Variants in CNNM2 observed in about 807,000 individuals in gnomAD.
The protein encoded by CNNM2 is cyclin and CBS domain divalent metal cation transport mediator 2.
A neutral mutation model predicts 66.9 loss-of-function variants in CNNM2; 12 were observed. That is an observed-to-expected ratio of 0.18 (90% CI 0.11 to 0.29). The LOEUF is 0.29. CNNM2 is among the 10% of genes least tolerant of loss of function. The pLI is 1.00. For synonymous variants in CNNM2, 557 were observed against 501.8 expected, an observed-to-expected ratio of 1.11 and a Z score of -1.47; for missense variants, 705 against 1,167.7, an observed-to-expected ratio of 0.60 and a Z score of 5.77.
rs151193266 is a variant in CNNM2 at position 103,049,693 on chromosome 10, T to G, written c.1622-14T>G. ...TCAGAAAGTCACTTCCTAAACTTTT[T>G]CTTGTCTCTAAAGGTAAATCTCACC... is the stretch of plus-strand genomic sequence containing the variant. On this transcript the variant is annotated splice_polypyrimidine_tract_variant and intron_variant, in intron 1 of 7. Coordinates refer to ENST00000369878, the MANE Select transcript of CNNM2 (RefSeq NM_017649.5). The G allele has an allele frequency of 1.2e-6, 2 of 1,604,132 alleles. No homozygotes were observed. Among genetic ancestry groups the G allele is most frequent in the African/African-American group, 2.7e-5 (2 of 74,624 alleles).
chr10:102,974,506 A>C (rs1315855069), intron 1 of CNNM2, among the ~76,000 whole-genome samples: 1 of 152,176 alleles, frequency 6.6e-6, no homozygotes, highest in Non-Finnish European at 1.5e-5. Flanking sequence ...GCAACAACAA[A>C]AATAAAATCT....
chr10:102,933,691 A>G (rs1846134722), intron 1 of CNNM2, among the ~76,000 whole-genome samples: 2 of 152,346 alleles, frequency 1.3e-5, no homozygotes, highest in South Asian at 4.1e-4. Context: ...CATTTAGGAA[A>G]TTTGATAGGA....
chr10:102,920,167 C>A, intron 1 of CNNM2, 66 bp downstream of exon 1: 1 of 1,613,062 alleles, frequency 6.2e-7, no homozygotes, highest in Admixed American at 1.7e-5. Context: ...CTACTTGAGT[C>A]CTCTACCCTC....
Position 103,054,227 on chromosome 10 carries a change from C to A in CNNM2, c.1766-102C>A. 3 of 1,328,778 alleles carry A rather than the reference C, an allele frequency of 2.3e-6. No individual in the cohort carries two copies. The highest frequency in any genetic ancestry group is 3.1e-6 in the Non-Finnish European group (3 of 967,574). 82.3% of individuals were successfully genotyped at this position (1,328,778 alleles called of 1,614,324 possible). A position where few individuals can be genotyped will look rare whatever the true frequency, so the allele number is the denominator to read the frequency against. ...CATAGAGCGCCTGCATCTGGAAATA[C>A]AGTCCAGCTCTTCCAATATATTTTG... is the stretch of plus-strand genomic sequence containing the variant. On this transcript the variant is annotated intron_variant, in intron 2 of 7. Transcript: ENST00000369878. The surrounding 1 kb of genome is among the most constrained non-coding windows in gnomAD (Gnocchi z 5.2).
At chr10:102,927,174 A>AAT (rs200797005) in intron 1 of CNNM2, among the ~76,000 whole-genome samples, 4 of 151,914 alleles carry the variant, frequency 2.6e-5, no homozygotes, top group Admixed American at 1.3e-4. Context: ...CTTTTCTCTA[A>AAT]ATATATATAT....
At chr10:102,984,932 C>A (rs1161198500) in intron 1 of CNNM2, among the ~76,000 whole-genome samples, 5 of 152,122 alleles carry the variant, frequency 3.3e-5, no homozygotes, top group Admixed American at 2.6e-4. Flanking sequence ...TAGGCTTGAC[C>A]ACTGTGCCCG....
chr10:103,010,399 G>A (rs753095708), intron 1 of CNNM2, among the ~76,000 whole-genome samples: 10 of 151,476 alleles, frequency 6.6e-5, no homozygotes, highest in East Asian at 2.0e-4. Context: ...CACCATGCCC[G>A]GCTAATTTTT....
intron 1 of CNNM2, among the ~76,000 whole-genome samples, chr10:102,970,778 TTTG>T (rs1357610265): frequency 3.3e-5 from 5 of 152,110 alleles, no homozygotes; most frequent in African/African-American, 4.8e-5. Flanking sequence ...GGTTCTCCAG[TTTG>T]TTGTTACTGG....
rs1440966270 is a variant in CNNM2, at chr10:103,088,377, CTTGGGA to C, written c.*11206_*11211del. 6 of 152,158 alleles carry C rather than the reference CTTGGGA, an allele frequency of 3.9e-5. No homozygotes were observed. Among genetic ancestry groups the C allele is most frequent in the East Asian group, 1.9e-4 (1 of 5,190 alleles). 9.4% of individuals were successfully genotyped at this position (152,158 alleles called of 1,614,324 possible). On this transcript the variant is annotated 3_prime_UTR_variant, in exon 8 of 8. Transcript: ENST00000369878. ...TGTTTAAAACAAGAGGTGATTTCGACTTGGGATTGGGATTTTTATTTTTTGAGATGG... is the reference window on the plus strand; with the variant it reads ...TGTTTAAAACAAGAGGTGATTTCGACTTGGGATTTTTATTTTTTGAGATGG...
In CNNM2 at chr10:103,079,748, A is replaced by G. The variant is rs988711227; in HGVS notation, c.*2568A>G. The G allele has an allele frequency of 2.6e-5, 4 of 152,148 alleles. No individual in the cohort carries two copies. Among genetic ancestry groups the G allele is most frequent in the Non-Finnish European group, 5.9e-5 (4 of 68,014 alleles). The allele number at this position is 152,148 out of a possible 1,614,324, so 9.4% of individuals were successfully genotyped here. On this transcript the variant is annotated 3_prime_UTR_variant, in exon 8 of 8. Transcript: ENST00000369878. ...TTATTCTTTACCTTCTGTTAGTCAC[A>G]CTATTTTATAACATTAGGGAATCTA...
chr10:102,984,021 G>T (rs1211610720), intron 1 of CNNM2, among the ~76,000 whole-genome samples: 3 of 152,154 alleles, frequency 2.0e-5, no homozygotes, highest in African/African-American at 7.2e-5. Context: ...CTCCCAAAGT[G>T]CTGGGATTAC....
chr10:103,068,269 GGAGGCCAAGACAGT>G (rs147687891), intron 4 of CNNM2, among the ~76,000 whole-genome samples: 13,749 of 152,234 alleles, frequency 0.09, 845 homozygotes, highest in East Asian at 0.28. Context: ...GAGCACTTTG[GGAGGCCAAGACAGT>G]GAGACAGGAT....
chr10:103,012,639 CTTTTTTTTTT>C lies in CNNM2; in HGVS notation c.1622-37055_1622-37046del, dbSNP rs78646079. Among the ~76,000 whole-genome samples the C allele has an allele frequency of 4.2e-5, 5 of 118,072 alleles. No homozygotes were observed. In the Admixed American group the frequency reaches 4.5e-4, roughly 11 times the overall value. 77.5% of individuals were successfully genotyped at this position (118,072 alleles called of 152,430 possible). On this transcript the variant is annotated intron_variant, in intron 1 of 7. Transcript: ENST00000369878. ...CTCCAGCCTGGGAAACAGAGCAAGACTTTTTTTTTTTTTTTTTTTTTTAAAGACAAATTCT... is the reference window on the plus strand; with the variant it reads ...CTCCAGCCTGGGAAACAGAGCAAGACTTTTTTTTTTTTAAAGACAAATTCT...
chr10:102,988,002 T>C (rs2063827790), intron 1 of CNNM2, among the ~76,000 whole-genome samples: 1 of 152,100 alleles, frequency 6.6e-6, no homozygotes, highest in Non-Finnish European at 1.5e-5. Flanking sequence ...TTAATTGATT[T>C]AGAAATATTG....
chr10:102,921,548 G>C (rs923668522), intron 1 of CNNM2, among the ~76,000 whole-genome samples: 1 of 152,114 alleles, frequency 6.6e-6, no homozygotes, highest in African/African-American at 2.4e-5. Context: ...GGTTCTTCTG[G>C]TTTCTTAAAT....
chr10:103,066,726 T>G (rs1191444051), intron 4 of CNNM2, among the ~76,000 whole-genome samples: 1 of 152,234 alleles, frequency 6.6e-6, no homozygotes, highest in Non-Finnish European at 1.5e-5. Flanking sequence ...TCCCAATGTC[T>G]TTTTCCTCAT....
In CNNM2 at chr10:103,054,835, G is replaced by A. The variant is rs758442796; in HGVS notation, c.1903+369G>A. Among the ~76,000 whole-genome samples the A allele has an allele frequency of 6.6e-6, 1 of 152,200 alleles. No homozygotes were observed. Among genetic ancestry groups the A allele is most frequent in the Non-Finnish European group, 1.5e-5 (1 of 68,044 alleles). On this transcript the variant is annotated intron_variant, in intron 3 of 7. Transcript: ENST00000369878. This position sits in a 1 kb window ranked among gnomAD's most constrained non-coding sequence, Gnocchi z 5.2. Reference sequence around the variant, plus strand: ...CTGGCGGAGCAGGCTGATGGTGCCAGCCTGGCACCAGCTTGTTTGATGGAC... The same window carrying A: ...CTGGCGGAGCAGGCTGATGGTGCCAACCTGGCACCAGCTTGTTTGATGGAC...
At chr10:102,958,097 C>T (rs544198204) in intron 1 of CNNM2, among the ~76,000 whole-genome samples, 4 of 152,166 alleles carry the variant, frequency 2.6e-5, no homozygotes, top group South Asian at 2.1e-4. Context: ...CCACCACACC[C>T]GGCTAATTTT....
chr10:102,956,715 C>T (rs1847052769), intron 1 of CNNM2, among the ~76,000 whole-genome samples: 2 of 152,082 alleles, frequency 1.3e-5, no homozygotes, highest in South Asian at 4.1e-4. Flanking sequence ...CAAACTATCA[C>T]AAGCACAGAA....
Sources: allele counts gnomAD v4.1 joint callset (sites outside exome capture counted in the v4.1 genomes callset), GRCh38; gene constraint gnomAD v4.1.1; non-coding constraint Gnocchi (gnomAD v3.1); transcripts MANE v1.5; gene names NCBI Gene and HGNC (gene_info 2026-07-23, HGNC 2026-07-21).